The following NCKAP5 variants were observed in gnomAD, a reference collection of about 807,000 sequenced individuals.
NCKAP5 encodes nck-associated protein 5.
In NCKAP5, 92 loss-of-function variants were observed where a neutral mutation model predicts 167.0. The ratio of observed to expected loss-of-function variants is 0.55; its 90% CI spans 0.47 to 0.66. The LOEUF (loss-of-function observed/expected upper bound fraction) is 0.66. Among genes scored for constraint, NCKAP5 ranks in the 30% least tolerant of loss-of-function variants. The pLI, the probability that NCKAP5 is intolerant of heterozygous loss-of-function variation, is 0.00. For synonymous variants in NCKAP5, 891 were observed against 877.4 expected, an observed-to-expected ratio of 1.02 and a Z score of -0.27; for missense variants, 2,378 against 2,315.0, an observed-to-expected ratio of 1.03 and a Z score of -0.56.
At chr2:133,647,318 C>A in the NCKAP5 span, among the ~76,000 whole-genome samples, 2 of 130,746 alleles carry the variant, frequency 1.5e-5, no homozygotes, top group Non-Finnish European at 3.1e-5. Context: ...GCCTGAGCAA[C>A]AGAGCAAGAC....
chr2:133,269,582 G>A (rs1486962571), intron 4 of NCKAP5, among the ~76,000 whole-genome samples: 1 of 152,136 alleles, frequency 6.6e-6, no homozygotes, highest in Admixed American at 6.5e-5. Flanking sequence ...TTGAGAACAG[G>A]ACACAGTGAA....
chr2:132,716,158 C>A (rs141953116), intron 19 of NCKAP5, among the ~76,000 whole-genome samples: 1 of 152,096 alleles, frequency 6.6e-6, no homozygotes, highest in Non-Finnish European at 1.5e-5. Flanking sequence ...ACTGGTGAGA[C>A]GATCCATTTT....
chr2:133,139,360 T>C (rs575739545), intron 5 of NCKAP5, among the ~76,000 whole-genome samples: 3 of 152,258 alleles, frequency 2.0e-5, no homozygotes, highest in East Asian at 1.9e-4. Flanking sequence ...TGTATACACA[T>C]ATTTTGGGGG....
chr2:132,986,424 T>C (rs565862102), intron 7 of NCKAP5, among the ~76,000 whole-genome samples: 8 of 152,230 alleles, frequency 5.3e-5, no homozygotes, highest in African/African-American at 1.9e-4. Context: ...CCAGCCCGCA[T>C]CACTTGAACT....
At chr2:133,513,728 T>C (rs1010800388) in intron 3 of NCKAP5, among the ~76,000 whole-genome samples, 1 of 152,198 alleles carries the variant, frequency 6.6e-6, no homozygotes, top group African/African-American at 2.4e-5. Context: ...GAGGATTTAG[T>C]GTGGCAGTGT....
intron 19 of NCKAP5, among the ~76,000 whole-genome samples, chr2:132,724,615 G>A (rs960186844): frequency 6.6e-6 from 1 of 152,042 alleles, no homozygotes; most frequent in African/African-American, 2.4e-5. Flanking sequence ...CAGTCAGAGG[G>A]ACACCAATGA....
intron 4 of NCKAP5, among the ~76,000 whole-genome samples, chr2:133,223,704 G>A (rs1278845127): frequency 6.6e-6 from 1 of 152,088 alleles, no homozygotes; most frequent in East Asian, 1.9e-4. Context: ...ATATGCTTTA[G>A]GAGACTCTAT....
At chr2:133,390,479 T>G (rs534302778) in intron 3 of NCKAP5, among the ~76,000 whole-genome samples, 1 of 152,230 alleles carries the variant, frequency 6.6e-6, no homozygotes, top group African/African-American at 2.4e-5. Context: ...TCAGATCTAA[T>G]GCTTTCCTAG....
intron 16 of NCKAP5, among the ~76,000 whole-genome samples, chr2:132,751,806 G>T (rs1344441417): frequency 1.3e-5 from 2 of 152,194 alleles, no homozygotes; most frequent in Admixed American, 6.5e-5. Flanking sequence ...GTGCATAGTG[G>T]ATTGCCTTTC....
chr2:133,538,931 G>GGT (rs199533536), intron 2 of NCKAP5, among the ~76,000 whole-genome samples: 3 of 108,546 alleles, frequency 2.8e-5, no homozygotes, highest in African/African-American at 8.0e-5. Context: ...GTTTTTTTGG[G>GGT]TTTTTTTTTT....
intron 3 of NCKAP5, among the ~76,000 whole-genome samples, chr2:133,390,810 T>C (rs1559445450): frequency 6.6e-6 from 1 of 152,204 alleles, no homozygotes; most frequent in Non-Finnish European, 1.5e-5. Flanking sequence ...TGGGACTTGG[T>C]CACGGATAAT....
At chr2:133,092,032 C>T (rs2081201814) in intron 6 of NCKAP5, among the ~76,000 whole-genome samples, 1 of 152,154 alleles carries the variant, frequency 6.6e-6, no homozygotes, top group Non-Finnish European at 1.5e-5. Flanking sequence ...CTCATCACCC[C>T]AACCTCTGAC....
intron 19 of NCKAP5, among the ~76,000 whole-genome samples, chr2:132,698,181 C>A (rs1466792679): frequency 1.3e-5 from 2 of 152,194 alleles, no homozygotes; most frequent in Non-Finnish European, 2.9e-5. Flanking sequence ...GTCAACAAAT[C>A]TGATGGTTTT....
chr2:133,050,146 T>G (rs555802769), intron 6 of NCKAP5, among the ~76,000 whole-genome samples: 38 of 152,334 alleles, frequency 2.5e-4, no homozygotes, highest in African/African-American at 8.7e-4. Context: ...GTTCTTTCTA[T>G]ATCTGTAGTC....
At chr2:132,973,892 C>A (rs976669471) in intron 7 of NCKAP5, among the ~76,000 whole-genome samples, 1 of 152,196 alleles carries the variant, frequency 6.6e-6, no homozygotes. Flanking sequence ...TAAGCCCTTT[C>A]TAATGGCATT....
intron 6 of NCKAP5, among the ~76,000 whole-genome samples, chr2:133,090,092 G>GT (rs1300812357): frequency 6.6e-6 from 1 of 151,868 alleles, no homozygotes; most frequent in Non-Finnish European, 1.5e-5. Context: ...TCCAGGCCAG[G>GT]TATGTGTCTC....
intron 3 of NCKAP5, among the ~76,000 whole-genome samples, chr2:133,420,640 G>T (rs1187859637): frequency 6.6e-6 from 1 of 152,148 alleles, no homozygotes; most frequent in Admixed American, 6.6e-5. Context: ...ATAGGATAAG[G>T]CTTTTGAAAT....
intron 4 of NCKAP5, among the ~76,000 whole-genome samples, chr2:133,275,359 C>T (rs1038975571): frequency 1.1e-4 from 17 of 151,828 alleles, no homozygotes; most frequent in African/African-American, 4.1e-4. Flanking sequence ...GACATAGGAA[C>T]CCCATATCTA....
intron 6 of NCKAP5, among the ~76,000 whole-genome samples, chr2:133,024,817 T>G (rs577805903): frequency 1.3e-5 from 2 of 152,332 alleles, no homozygotes; most frequent in African/African-American, 4.8e-5. Context: ...AGAGAACATT[T>G]TATGATATGT....
Sources: allele counts gnomAD v4.1 joint callset (sites outside exome capture counted in the v4.1 genomes callset), GRCh38; gene constraint gnomAD v4.1.1; transcripts MANE v1.5; gene names NCBI Gene and HGNC (gene_info 2026-07-23, HGNC 2026-07-21).